Variants in SBF2 observed in about 807,000 individuals in gnomAD.
The protein encoded by SBF2 is SET binding factor 2.
SBF2 carries 112 observed loss-of-function variants against 225.2 expected under a neutral mutation model. The ratio of observed to expected loss-of-function variants is 0.50; its 90% CI spans 0.43 to 0.58. The LOEUF is 0.58. SBF2 is among the 20% of genes least tolerant of loss of function. SBF2 has a pLI of 0.00. For missense variants in SBF2, 1,996 were observed against 2,206.2 expected (o/e 0.90, Z 1.91); for synonymous variants, 763 against 773.3 (o/e 0.99, Z 0.22).
At chr11:9,979,808 AT>A (rs1946859938) in intron 13 of SBF2, among the ~76,000 whole-genome samples, 1 of 147,916 alleles carries the variant, frequency 6.8e-6, no homozygotes, top group Non-Finnish European at 1.5e-5. Flanking sequence ...AATTAAATTC[AT>A]CTTTTTTTTT....
chr11:10,008,713 C>T (rs1028222943), intron 6 of SBF2, among the ~76,000 whole-genome samples: 89 of 152,184 alleles, frequency 5.8e-4, no homozygotes, highest in Non-Finnish European at 1.6e-4. Flanking sequence ...ATAGGACTGC[C>T]CTGAGGGCTG....
intron 2 of SBF2, among the ~76,000 whole-genome samples, chr11:10,181,938 C>G (rs1464192330): frequency 6.6e-6 from 1 of 152,126 alleles, no homozygotes; most frequent in African/African-American, 2.4e-5. Flanking sequence ...GTAACTCTCA[C>G]CCTAAAATTT....
At position 9,837,156 on chromosome 11, in the gene SBF2, T is replaced by C. The variant is rs149361531; in HGVS notation, c.3455+2342A>G. On this transcript the variant is annotated intron_variant, in intron 26 of 39. Coordinates refer to ENST00000256190, the MANE Select transcript of SBF2 (RefSeq NM_030962.4). ...GAAATGGTGATAATGGGCATCCTTG[T>C]CAGGATTTCAGAGAAAAAGCTTTTA... 2.1e-3 allele frequency among the ~76,000 whole-genome samples: 323 copies of C among 152,296 alleles called. 1 individual carries two copies. Among genetic ancestry groups the C allele is most frequent in the African/African-American group, 7.3e-3 (302 of 41,572 alleles).
chr11:10,079,446 A>G (rs1951269823), intron 2 of SBF2, among the ~76,000 whole-genome samples: 1 of 152,220 alleles, frequency 6.6e-6, no homozygotes, highest in African/African-American at 2.4e-5. Flanking sequence ...AAGAAATTCC[A>G]TAATACAGTT....
intron 6 of SBF2, among the ~76,000 whole-genome samples, chr11:10,026,030 G>GTT (rs374047187): frequency 4.1e-5 from 6 of 144,700 alleles, no homozygotes; most frequent in Admixed American, 6.9e-5. Context: ...ATCTACAGTA[G>GTT]TTTTTTTTTT....
intron 9 of SBF2, among the ~76,000 whole-genome samples, chr11:9,995,395 C>T (rs1055942868): frequency 6.6e-6 from 1 of 152,128 alleles, no homozygotes; most frequent in Non-Finnish European, 1.5e-5. Flanking sequence ...AGACTCAAAG[C>T]AACACTTAAA....
At chr11:10,140,262 G>A (rs1368889755) in intron 2 of SBF2, among the ~76,000 whole-genome samples, 4 of 152,126 alleles carry the variant, frequency 2.6e-5, no homozygotes, top group South Asian at 2.1e-4. Context: ...AAGAGCCTCC[G>A]GTTGGGGAAT....
chr11:9,940,343 T>G (rs1865178595), intron 16 of SBF2, among the ~76,000 whole-genome samples: 1 of 152,142 alleles, frequency 6.6e-6, no homozygotes, highest in South Asian at 2.1e-4. Context: ...AGGCGGAGCT[T>G]GCAGTGAGCC....
chr11:9,824,465 G>A (rs535680041), intron 28 of SBF2, among the ~76,000 whole-genome samples: 4 of 151,394 alleles, frequency 2.6e-5, no homozygotes, highest in African/African-American at 9.7e-5. Context: ...GCTGAGGCAG[G>A]AGAATTGCTT....
intron 1 of SBF2, among the ~76,000 whole-genome samples, chr11:10,231,876 C>G (rs1301780773): frequency 6.6e-6 from 1 of 152,232 alleles, no homozygotes; most frequent in Non-Finnish European, 1.5e-5. Flanking sequence ...TTACTGCTGC[C>G]TTTTGTTTGT....
chr11:9,992,036 C>T (rs1318784714), intron 12 of SBF2, among the ~76,000 whole-genome samples: 1 of 152,040 alleles, frequency 6.6e-6, no homozygotes, highest in Non-Finnish European at 1.5e-5. Flanking sequence ...ATATTTTAAA[C>T]AACCATTTTT....
chr11:9,897,432 T>G (rs1180404238), intron 16 of SBF2, among the ~76,000 whole-genome samples: 2 of 152,028 alleles, frequency 1.3e-5, no homozygotes, highest in Non-Finnish European at 2.9e-5. Flanking sequence ...GAGACGGGGT[T>G]TAACTCCTGA....
chr11:9,983,666 A>G (rs1378830753), intron 13 of SBF2, among the ~76,000 whole-genome samples: 1 of 152,138 alleles, frequency 6.6e-6, no homozygotes, highest in Non-Finnish European at 1.5e-5. Flanking sequence ...AAGGGCCCTC[A>G]TGGAGCTCAC....
At chr11:9,812,894 C>A in intron 29 of SBF2, 186 bp from the exon 30 acceptor site, 3 of 650,772 alleles carry the variant, frequency 4.6e-6, no homozygotes, top group Non-Finnish European at 8.2e-6. Context: ...CCATTCAGTA[C>A]AAGCTAGTGG....
chr11:10,174,970 T>G (rs12271722), intron 2 of SBF2, among the ~76,000 whole-genome samples: 13,940 of 151,206 alleles, frequency 0.092, 834 homozygotes, highest in East Asian at 0.28. Context: ...CTGAGAGATT[T>G]TGTCACCACC....
chr11:9,831,966 C>T (rs997618074), intron 27 of SBF2, among the ~76,000 whole-genome samples: 2 of 152,150 alleles, frequency 1.3e-5, no homozygotes, highest in Non-Finnish European at 2.9e-5. Flanking sequence ...TTGCCTAGGA[C>T]CAAAGACTTT....
chr11:10,276,654 T>C (rs1027079145), intron 1 of SBF2, among the ~76,000 whole-genome samples: 12 of 152,226 alleles, frequency 7.9e-5, no homozygotes, highest in Admixed American at 7.2e-4. Flanking sequence ...AGTATGAACA[T>C]GGACAAATTA....
intron 13 of SBF2, among the ~76,000 whole-genome samples, chr11:9,983,169 G>A (rs1018783114): frequency 6.6e-6 from 1 of 152,184 alleles, no homozygotes; most frequent in Non-Finnish European, 1.5e-5. Context: ...GGATAGCCTC[G>A]GGCAAGTTTT....
intron 16 of SBF2, among the ~76,000 whole-genome samples, chr11:9,908,699 T>TTGTTGCTGC (rs147535995): frequency 6.6e-6 from 1 of 151,288 alleles, no homozygotes; most frequent in Non-Finnish European, 1.5e-5. Flanking sequence ...GTTGTTGCTG[T>TTGTTGCTGC]TGTTGTTGTT....
Sources: allele counts gnomAD v4.1 joint callset (sites outside exome capture counted in the v4.1 genomes callset), GRCh38; gene constraint gnomAD v4.1.1; transcripts MANE v1.5; gene names NCBI Gene and HGNC (gene_info 2026-07-23, HGNC 2026-07-21).